The following HOOK2 variants were observed in gnomAD, a reference collection of about 807,000 sequenced individuals.
HOOK2 encodes protein Hook homolog 2.
A neutral mutation model predicts 111.9 loss-of-function variants in HOOK2; 108 were observed. The observed-to-expected ratio is 0.96, with a 90% CI of 0.83 to 1.13. HOOK2 has a LOEUF of 1.13. Among genes scored for constraint, HOOK2 ranks in the 50% most tolerant of loss-of-function variants. The pLI is 0.00. For missense variants in HOOK2, 978 were observed against 951.3 expected (o/e 1.03, Z -0.37); for synonymous variants, 405 against 394.3 (o/e 1.03, Z -0.32).
At chr19:12,768,245 T>C in intron 11 of HOOK2, 122 bp from the exon 12 acceptor site, 1 of 762,326 alleles carries the variant, frequency 1.3e-6, no homozygotes, top group Non-Finnish European at 2.1e-6. Context: ...ACTATGGTGC[T>C]TTCAGCTGTG....
intron 3 of HOOK2, chr19:12,773,965 C>T (rs1183683307): frequency 2.0e-5 from 3 of 153,174 alleles, no homozygotes; most frequent in African/African-American, 7.2e-5. Context: ...GAACACCGTT[C>T]CCCCAAATTT....
chr19:12,766,397 T>C, intron 14 of HOOK2, 157 bp from the exon 15 acceptor site: 1 of 895,852 alleles, frequency 1.1e-6, no homozygotes, highest in East Asian at 2.8e-5. Context: ...CGGGTTCAGG[T>C]TCCCGGCCCA....
upstream of HOOK2, among the ~76,000 whole-genome samples, chr19:12,776,693 T>A (rs1159806903): frequency 2.5e-5 from 3 of 119,966 alleles, no homozygotes; most frequent in South Asian, 2.5e-4. Context: ...AAAAAAAAAA[T>A]TAGCCAGACA....
upstream of HOOK2, among the ~76,000 whole-genome samples, chr19:12,778,757 T>C (rs1431102431): frequency 6.6e-6 from 1 of 152,194 alleles, no homozygotes; most frequent in Non-Finnish European, 1.5e-5. Flanking sequence ...GTTGGCGTGA[T>C]GTTGTGGGCG....
At chr19:12,770,644 G>C (rs1262795100) in intron 10 of HOOK2, among the ~76,000 whole-genome samples, 1 of 147,486 alleles carries the variant, frequency 6.8e-6, no homozygotes, top group Non-Finnish European at 1.5e-5. Flanking sequence ...TTGTAGGGGA[G>C]GTTCTTGTGT....
In HOOK2 at chr19:12,791,854, C is replaced by G; in HGVS notation, n.42-17629G>C. The G allele has an allele frequency of 6.2e-7, 1 of 1,613,618 alleles. No individual in the cohort carries two copies. Among genetic ancestry groups the G allele is most frequent in the East Asian group, 2.2e-5 (1 of 44,862 alleles). ...TACGGCCGGGCCCCTGGTGGCCTCT[C>G]TCTACACGACTACAAACTCCTGAAA... On this transcript the variant is annotated intron_variant and non_coding_transcript_variant, in intron 3 of 3. Transcript: ENST00000589765. The surrounding 1 kb of genome is among the most constrained non-coding windows in gnomAD (Gnocchi z 7.0).
At chr19:12,792,275 G>A in intron 3 of HOOK2, 1 of 1,495,336 alleles carries the variant, frequency 6.7e-7, no homozygotes, top group Non-Finnish European at 8.9e-7. Flanking sequence ...CCCCGGCTGG[G>A]CCCGGGGGCG....
chr19:12,785,627 G>C (rs530059805), intron 3 of HOOK2, among the ~76,000 whole-genome samples: 1 of 152,242 alleles, frequency 6.6e-6, no homozygotes, highest in African/African-American at 2.4e-5. Flanking sequence ...GCCCTACATA[G>C]ACCTTTGCAT....
chr19:12,763,155 A>C lies in HOOK2; in HGVS notation c.*127T>G. ...CGCCCTCCCTCCCCACCAATCTGGGAGAGGGAAGAGCAGAGATCATGGCCT... is the reference window on the plus strand; with the variant it reads ...CGCCCTCCCTCCCCACCAATCTGGGCGAGGGAAGAGCAGAGATCATGGCCT... On this transcript the variant is annotated 3_prime_UTR_variant, in exon 23 of 23. Coordinates refer to ENST00000397668, the MANE Select transcript of HOOK2 (RefSeq NM_013312.3). The C allele has an allele frequency of 5.3e-5, 24 of 453,452 alleles. No individual in the cohort carries two copies. The highest frequency in any genetic ancestry group is 2.6e-4 in the East Asian group (5 of 19,576). 28.1% of individuals were successfully genotyped at this position (453,452 alleles called of 1,614,324 possible). A position where few individuals can be genotyped will look rare whatever the true frequency, so the allele number is the denominator to read the frequency against.
Position 12,775,515 on chromosome 19 carries a change from C to G in HOOK2, c.-66G>C, listed in dbSNP as rs1599509220. ...GCCGCAGCAGCCTCCGGGTCCGCCA[C>G]CAGCGAGCGCCCGCAGCCCCGACCT... On this transcript the variant is annotated 5_prime_UTR_variant, in exon 1 of 23. Transcript: ENST00000397668. The G allele has an allele frequency of 3.2e-6, 5 of 1,544,982 alleles. No individual in the cohort carries two copies. Among genetic ancestry groups the G allele is most frequent in the Middle Eastern group, 1.9e-4 (1 of 5,230 alleles).
chr19:12,778,028 G>A (rs1434645560), upstream of HOOK2, among the ~76,000 whole-genome samples: 3 of 152,244 alleles, frequency 2.0e-5, no homozygotes, highest in Admixed American at 6.5e-5. Context: ...GTTTTGAGGG[G>A]AAGGGTGAAG....
chr19:12,789,790 C>G lies in HOOK2; in HGVS notation n.42-15565G>C, dbSNP rs1968688852. Among the ~76,000 whole-genome samples the G allele has an allele frequency of 3.3e-5, 5 of 151,434 alleles. 1 individual carries two copies. In the South Asian group the frequency reaches 1.0e-3, roughly 31 times the overall value. The stretch of plus-strand genomic sequence containing the variant: ...CCAAAGCGGCGGGGTGGGGCGGGGC[C>G]GGGCCAGGCGGCCGTGGGGGCCCCG... On this transcript the variant is annotated intron_variant and non_coding_transcript_variant, in intron 3 of 3. Coordinates refer to the HOOK2 transcript ENST00000589765.
At position 12,775,413 on chromosome 19, in the gene HOOK2, G is replaced by T. The variant is rs1289455066; in HGVS notation, c.37C>A (p.Leu13Ile). 9.3e-6 allele frequency: 15 copies of T among 1,612,764 alleles called. No individual in the cohort carries two copies. The African/African-American group carries it at 2.0e-4, about 22-fold the overall frequency. ...CCCGCCCCACGACCTACCCAGGTGA[G>T]CAGAGACCCGCATAGCTCAGCTTTG... ...VDKAELCGSL[L>I]TWLQTFHVPS... Residue 13 changes from leucine (L) to isoleucine (I), a missense_variant, in exon 1 of 23, where the codon CTC (leucine) becomes ATC (isoleucine). By Grantham distance (5) the Leu-to-Ile change is conservative. Around this residue, in one of 5 missense-constraint regions of HOOK2, gnomAD observed 301 missense variants for 286.1 expected, o/e 1.05. Transcript: ENST00000397668.
chr19:12,772,307 A>G, intron 6 of HOOK2, 55 bp from the exon 7 acceptor site: 2 of 1,558,146 alleles, frequency 1.3e-6, no homozygotes, highest in African/African-American at 1.4e-5. Flanking sequence ...CCAGCCTTCA[A>G]AGTATCTACT....
intron 3 of HOOK2, chr19:12,792,038 C>T: frequency 6.2e-7 from 1 of 1,611,144 alleles, no homozygotes; most frequent in Non-Finnish European, 8.5e-7. Flanking sequence ...AGCTGGAACG[C>T]CTGATTGTCC....
At chr19:12,769,528 T>A (rs1338984633) in intron 11 of HOOK2, among the ~76,000 whole-genome samples, 1 of 152,154 alleles carries the variant, frequency 6.6e-6, no homozygotes, top group African/African-American at 2.4e-5. Context: ...GCTCAAGTGA[T>A]CCTCCCGGCT....
chr19:12,781,200 G>A (rs1390325933), upstream of HOOK2, among the ~76,000 whole-genome samples: 3 of 143,394 alleles, frequency 2.1e-5, no homozygotes, highest in Non-Finnish European at 4.6e-5. Context: ...CTACTCGGGA[G>A]GCTGAGGCAG....
In HOOK2 at chr19:12,763,659, G is replaced by A. The variant is rs372469361; in HGVS notation, c.1938+9C>T. 1 of 1,613,976 alleles carries A rather than the reference G, an allele frequency of 6.2e-7. No homozygotes were observed. The highest frequency in any genetic ancestry group is 8.5e-7 in the Non-Finnish European group (1 of 1,179,918). On this transcript the variant is annotated intron_variant, in intron 21 of 22. Transcript: ENST00000397668. ...GTTGGAGGCAGCGTAAAGGGACGAG[G>A]ACACCCACCTCCAGGTGTCGGATGC...
chr19:12,766,821 G>A (rs2145736418), intron 14 of HOOK2, among the ~76,000 whole-genome samples: 1 of 152,296 alleles, frequency 6.6e-6, no homozygotes, highest in South Asian at 2.1e-4. Context: ...CTGACCTTGT[G>A]ATCCGCTCGC....
Sources: allele counts gnomAD v4.1 joint callset (sites outside exome capture counted in the v4.1 genomes callset), GRCh38; gene constraint gnomAD v4.1.1; regional missense constraint gnomAD v4.1.1; non-coding constraint Gnocchi (gnomAD v3.1); transcripts MANE v1.5; gene names NCBI Gene and HGNC (gene_info 2026-07-23, HGNC 2026-07-21).